The following ADGRL3 variants were observed in gnomAD, a reference collection of about 807,000 sequenced individuals.
ADGRL3 encodes calcium-independent alpha-latrotoxin receptor 3.
ADGRL3 carries 62 observed loss-of-function variants against 153.5 expected under a neutral mutation model. The observed-to-expected ratio is 0.40, with a 90% CI of 0.33 to 0.50. The LOEUF (loss-of-function observed/expected upper bound fraction) is 0.50, where lower values mean the gene tolerates loss of function less well. ADGRL3 is among the 20% of genes least tolerant of loss of function. The pLI, the probability that ADGRL3 is intolerant of heterozygous loss-of-function variation, is 0.47. For missense variants in ADGRL3, 1,641 were observed against 1,859.4 expected (o/e 0.88, Z 2.16); for synonymous variants, 710 against 672.5 (o/e 1.06, Z -0.86).
chr4:61,847,973 AATATAAAATATATTAT>A (rs2098151054), intron 9 of ADGRL3, among the ~76,000 whole-genome samples: 3 of 13,174 alleles, frequency 2.3e-4, no homozygotes, highest in Non-Finnish European at 2.8e-4. Context: ...TTATATATAT[AATATAAAATATATTAT>A]ATATATAATA....
intron 16 of ADGRL3, 48 bp downstream of exon 16, chr4:61,947,170 T>C (rs2098928437): frequency 5.7e-6 from 8 of 1,391,698 alleles, no homozygotes; most frequent in Non-Finnish European, 8.1e-6. Context: ...TCTGTATTTT[T>C]ATAACACTGA....
rs573742626 is a variant in ADGRL3 at position 61,420,208 on chromosome 4, C to G, written c.-174+37019C>G. The G allele has an allele frequency of 4.4e-4, 67 of 152,162 alleles. 1 individual carries two copies. The highest frequency in any genetic ancestry group is 1.6e-3 in the African/African-American group (66 of 41,506). 9.4% of individuals were successfully genotyped at this position (152,162 alleles called of 1,614,324 possible). ...CATTTTTCTATTGTCTTCATTTGTT[C>G]TCCCATGATATCTTTTACATAGAGA... On this transcript the variant is annotated intron_variant, in intron 2 of 26. Coordinates refer to ENST00000683033, the MANE Select transcript of ADGRL3 (RefSeq NM_001387552.1).
intron 8 of ADGRL3, among the ~76,000 whole-genome samples, chr4:61,771,332 A>G (rs1580746427): frequency 6.6e-6 from 1 of 152,222 alleles, no homozygotes; most frequent in Non-Finnish European, 1.5e-5. Context: ...TGCCTAAAGC[A>G]AGCTGGATAA....
intron 5 of ADGRL3, among the ~76,000 whole-genome samples, chr4:61,593,843 A>T (rs117277883): frequency 1.3e-5 from 2 of 151,998 alleles, no homozygotes; most frequent in Non-Finnish European, 2.9e-5. Flanking sequence ...GAATGTTGGT[A>T]TCTTTGTCTA....
At chr4:61,912,887 G>T in intron 13 of ADGRL3, 130 bp downstream of exon 13, 1 of 816,520 alleles carries the variant, frequency 1.2e-6, no homozygotes, top group South Asian at 1.6e-5. Context: ...GGGGGAGAAG[G>T]GTGGGAACAG....
intron 5 of ADGRL3, among the ~76,000 whole-genome samples, chr4:61,626,764 T>G (rs917520141): frequency 4.6e-5 from 7 of 152,074 alleles, no homozygotes; most frequent in Non-Finnish European, 1.0e-4. Flanking sequence ...CCTCCTGAGT[T>G]CTACTATTTT....
intron 2 of ADGRL3, among the ~76,000 whole-genome samples, chr4:61,457,548 G>T (rs1464391537): frequency 6.6e-6 from 1 of 151,782 alleles, no homozygotes. Context: ...ATTACATATT[G>T]TTAAATAATG....
chr4:61,990,171 G>C (rs1387952815), intron 19 of ADGRL3, among the ~76,000 whole-genome samples: 1 of 152,030 alleles, frequency 6.6e-6, no homozygotes, highest in Admixed American at 6.6e-5. Flanking sequence ...AAGGTAAACT[G>C]TGTAATACCT....
chr4:61,616,055 C>T (rs1401502283), intron 5 of ADGRL3, among the ~76,000 whole-genome samples: 1 of 151,938 alleles, frequency 6.6e-6, no homozygotes, highest in Non-Finnish European at 1.5e-5. Flanking sequence ...TCATATTGAA[C>T]ATTATGAGGA....
intron 8 of ADGRL3, among the ~76,000 whole-genome samples, chr4:61,760,318 T>C (rs2096895652): frequency 6.6e-6 from 1 of 152,118 alleles, no homozygotes; most frequent in South Asian, 2.1e-4. Context: ...AGTTCGAGCT[T>C]CCCAGCAGCT....
At chr4:61,744,236 C>A (rs1298031272) in intron 8 of ADGRL3, among the ~76,000 whole-genome samples, 2 of 152,320 alleles carry the variant, frequency 1.3e-5, no homozygotes, top group African/African-American at 4.8e-5. Flanking sequence ...GAGCCCAACA[C>A]AGCTCAAGGA....
chr4:61,989,980 T>A (rs1221292424), intron 19 of ADGRL3, among the ~76,000 whole-genome samples: 1 of 151,960 alleles, frequency 6.6e-6, no homozygotes, highest in Non-Finnish European at 1.5e-5. Flanking sequence ...CTTCAGAAAA[T>A]CGTTTCACAG....
At chr4:61,946,121 T>C (rs2098922374) in intron 15 of ADGRL3, among the ~76,000 whole-genome samples, 1 of 152,228 alleles carries the variant, frequency 6.6e-6, no homozygotes, top group African/African-American at 2.4e-5. Flanking sequence ...GATGTATGTT[T>C]AATTTTATAA....
intron 1 of ADGRL3, among the ~76,000 whole-genome samples, chr4:61,332,673 T>G (rs900712360): frequency 2.1e-4 from 32 of 152,250 alleles, no homozygotes; most frequent in Admixed American, 6.5e-4. Context: ...TGTTGATAAT[T>G]AAGGTTTTAA....
rs182298473 is a variant in ADGRL3 at position 61,532,819 on chromosome 4, C to T, written c.259+15301C>T. The stretch of plus-strand genomic sequence containing the variant: ...TGCCATGCACTGTGTAGCATCTCAG[C>T]GGATCAGCAGGGATTTTAAACCTGC... On this transcript the variant is annotated intron_variant, in intron 4 of 26. Transcript: ENST00000683033. Among the ~76,000 whole-genome samples, 81 of 151,274 alleles carry T rather than the reference C, an allele frequency of 5.4e-4. No individual in the cohort carries two copies. In the South Asian group the frequency reaches 5.9e-3, roughly 11 times the overall value.
intron 17 of ADGRL3, among the ~76,000 whole-genome samples, chr4:61,958,411 T>G (rs1403955974): frequency 6.6e-6 from 1 of 151,944 alleles, no homozygotes; most frequent in African/African-American, 2.4e-5. Flanking sequence ...CTTTCTTTCT[T>G]TCTTTCTTTC....
chr4:61,343,449 G>A (rs1465539036), intron 1 of ADGRL3, among the ~76,000 whole-genome samples: 1 of 152,082 alleles, frequency 6.6e-6, no homozygotes, highest in East Asian at 1.9e-4. Flanking sequence ...CAGCAGCCTG[G>A]CAAGATGCCT....
At chr4:61,975,935 T>G (rs2150744960) in intron 17 of ADGRL3, among the ~76,000 whole-genome samples, 1 of 152,272 alleles carries the variant, frequency 6.6e-6, no homozygotes, top group Admixed American at 6.5e-5. Context: ...GGAGCTGTTT[T>G]GGGCATATAA....
chr4:61,471,921 A>G (rs1298137200), intron 2 of ADGRL3, among the ~76,000 whole-genome samples: 3 of 152,094 alleles, frequency 2.0e-5, no homozygotes, highest in Non-Finnish European at 4.4e-5. Flanking sequence ...ACAGTATAAT[A>G]TAATACGATT....
Sources: allele counts gnomAD v4.1 joint callset (sites outside exome capture counted in the v4.1 genomes callset), GRCh38; gene constraint gnomAD v4.1.1; transcripts MANE v1.5; gene names NCBI Gene and HGNC (gene_info 2026-07-23, HGNC 2026-07-21).